The following PDE9A variants were observed in gnomAD, a reference collection of about 807,000 sequenced individuals.
PDE9A encodes the protein phosphodiesterase 9A.
Under a neutral mutation model 87.4 loss-of-function variants are expected in PDE9A, and 60 were observed. That is an observed-to-expected ratio of 0.69 (90% CI 0.56 to 0.85). PDE9A has a LOEUF of 0.85. Ranked by LOEUF, PDE9A falls within the 40% of genes least tolerant of loss-of-function variation. The probability of loss-of-function intolerance (pLI) is 0.00; values close to 1 mark genes in which losing one functional copy is unlikely to be tolerated. For missense variants in PDE9A, 665 were observed against 779.0 expected (o/e 0.85, Z 1.74); for synonymous variants, 272 against 279.4 (o/e 0.97, Z 0.27).
chr21:42,713,194 C>G (rs2146484069), intron 4 of PDE9A, among the ~76,000 whole-genome samples: 1 of 152,198 alleles, frequency 6.6e-6, no homozygotes, highest in African/African-American at 2.4e-5. Flanking sequence ...GAGTGCAGTG[C>G]TGCCATCTCG....
intron 1 of PDE9A, among the ~76,000 whole-genome samples, chr21:42,662,690 T>A (rs1194302762): frequency 1.1e-5 from 1 of 94,310 alleles, no homozygotes; most frequent in Non-Finnish European, 2.0e-5. Flanking sequence ...TGCACACACA[T>A]GCACACACCA....
intron 4 of PDE9A, among the ~76,000 whole-genome samples, chr21:42,731,181 C>G (rs915752071): frequency 6.6e-6 from 1 of 152,206 alleles, no homozygotes; most frequent in Non-Finnish European, 1.5e-5. Context: ...TGGTCTCGAA[C>G]TCCCGACCTC....
chr21:42,766,453 T>C (rs1161501117), intron 15 of PDE9A, among the ~76,000 whole-genome samples: 1 of 152,220 alleles, frequency 6.6e-6, no homozygotes, highest in Non-Finnish European at 1.5e-5. Flanking sequence ...TTTGATTATC[T>C]GTTTAAAATC....
chr21:42,706,178 G>T (rs1014813584), intron 4 of PDE9A, among the ~76,000 whole-genome samples: 4 of 152,216 alleles, frequency 2.6e-5, no homozygotes, highest in Non-Finnish European at 2.9e-5. Context: ...GTGACCAAAT[G>T]CATTTACAGT....
chr21:42,670,178 CAT>C (rs755463959), intron 1 of PDE9A, among the ~76,000 whole-genome samples: 19 of 145,978 alleles, frequency 1.3e-4, no homozygotes, highest in Middle Eastern at 3.5e-3. Flanking sequence ...CACACGCACA[CAT>C]ACACTTACAC....
intron 3 of PDE9A, among the ~76,000 whole-genome samples, chr21:42,698,203 A>G (rs1335504658): frequency 6.6e-6 from 1 of 152,204 alleles, no homozygotes; most frequent in Non-Finnish European, 1.5e-5. Flanking sequence ...CCCACCAGCA[A>G]CACCTGTGAT....
At chr21:42,699,913 A>G (rs534671464) in intron 4 of PDE9A, among the ~76,000 whole-genome samples, 3 of 152,240 alleles carry the variant, frequency 2.0e-5, no homozygotes, top group Admixed American at 1.3e-4. Flanking sequence ...TGATTTATAC[A>G]TCATAAAATG....
chr21:42,765,350 C>T (rs770050654), intron 14 of PDE9A, 31 bp from the exon 15 acceptor site: 11 of 1,277,050 alleles, frequency 8.6e-6, no homozygotes, highest in Middle Eastern at 1.8e-4. Flanking sequence ...AGACTATACC[C>T]GTGTTAACAC....
intron 4 of PDE9A, among the ~76,000 whole-genome samples, chr21:42,730,183 C>G (rs1294428074): frequency 1.3e-5 from 2 of 152,220 alleles, no homozygotes; most frequent in Non-Finnish European, 2.9e-5. Context: ...CATCTTCCCC[C>G]ACTAGTAGGT....
chr21:42,682,745 G>A (rs1012890291), intron 1 of PDE9A, among the ~76,000 whole-genome samples: 1 of 152,194 alleles, frequency 6.6e-6, no homozygotes, highest in Admixed American at 6.5e-5. Flanking sequence ...GGACTTTGTG[G>A]GCATGGACGT....
intron 4 of PDE9A, among the ~76,000 whole-genome samples, chr21:42,712,677 G>C (rs1261353057): frequency 2.0e-5 from 3 of 152,140 alleles, no homozygotes; most frequent in Non-Finnish European, 4.4e-5. Flanking sequence ...CATAAGGTTG[G>C]AAGTCCCCGT....
At chr21:42,673,412 G>A (rs1420823254) in intron 1 of PDE9A, among the ~76,000 whole-genome samples, 5 of 152,190 alleles carry the variant, frequency 3.3e-5, no homozygotes, top group Admixed American at 6.5e-5. Flanking sequence ...AGGTCAGTCC[G>A]CTGATTGACT....
intron 4 of PDE9A, among the ~76,000 whole-genome samples, chr21:42,715,155 C>T (rs1438726361): frequency 2.7e-5 from 4 of 146,060 alleles, no homozygotes; most frequent in African/African-American, 5.1e-5. Flanking sequence ...TATTTTTCCT[C>T]GGCTGTTGTA....
chr21:42,765,875 G>A (rs992384759), intron 15 of PDE9A, among the ~76,000 whole-genome samples: 1 of 152,136 alleles, frequency 6.6e-6, no homozygotes, highest in African/African-American at 2.4e-5. Flanking sequence ...CACAGCTCCC[G>A]CTCCCCAAGC....
At chr21:42,699,452 C>G (rs116668528) in intron 4 of PDE9A, among the ~76,000 whole-genome samples, 2 of 152,256 alleles carry the variant, frequency 1.3e-5, no homozygotes, top group Non-Finnish European at 2.9e-5. Flanking sequence ...GTCCTCCCCG[C>G]TCCACTGTGA....
intron 4 of PDE9A, among the ~76,000 whole-genome samples, chr21:42,699,249 G>T (rs2060309388): frequency 6.6e-6 from 1 of 152,198 alleles, no homozygotes. Flanking sequence ...TCTAACCCCA[G>T]GGAGAATAGC....
At position 42,702,871 on chromosome 21, in the gene PDE9A, C is replaced by T. The variant is rs1018440809; in HGVS notation, c.262+3860C>T. Among the ~76,000 whole-genome samples the T allele has an allele frequency of 2.0e-5, 3 of 152,148 alleles. No homozygotes were observed. The highest frequency in any genetic ancestry group is 6.6e-5 in the Admixed American group (1 of 15,264). On this transcript the variant is annotated intron_variant, in intron 4 of 19. Coordinates refer to ENST00000291539, the MANE Select transcript of PDE9A (RefSeq NM_002606.3). The surrounding 1 kb of genome is among the most constrained non-coding windows in gnomAD (Gnocchi z 4.9). The stretch of plus-strand genomic sequence containing the variant: ...GGATGCTGGCTTTTATGCTGAGTGG[C>T]GTGGGCAGCTATTAGAAGGCTTTCA...
At chr21:42,687,807 G>T in intron 2 of PDE9A, 110 bp from the exon 3 acceptor site, 1 of 878,262 alleles carries the variant, frequency 1.1e-6, no homozygotes, top group Non-Finnish European at 1.9e-6. Context: ...TGGTCAGGCT[G>T]GTCCTGGGAC....
chr21:42,770,325 C>G (rs7283513), intron 17 of PDE9A, among the ~76,000 whole-genome samples: 82,670 of 151,956 alleles, frequency 0.54, 22,846 homozygotes, highest in South Asian at 0.62. Flanking sequence ...CTACGCTGCG[C>G]ATCCTTCTGC....
Sources: gnomAD v4.1 joint callset for allele counts (sites outside exome capture counted in the v4.1 genomes callset) on GRCh38, gnomAD v4.1.1 for gene constraint, Gnocchi (gnomAD v3.1) non-coding constraint, MANE v1.5 for transcripts, NCBI Gene and HGNC (gene_info 2026-07-23, HGNC 2026-07-21) for gene names.